Variants in OR1J2 observed in about 807,000 individuals in gnomAD.
OR1J2 encodes olfactory receptor family 1 subfamily J member 2, also known as olfactory receptor 1J2.
For synonymous variants in OR1J2, 142 were observed against 99.7 expected (o/e 1.42, Z -2.52); for missense variants, 304 against 246.1 (o/e 1.24, Z -1.57).
At chr9:122,536,101 C>A in the OR1J2 span, among the ~76,000 whole-genome samples, 22 of 152,108 alleles carry the variant, frequency 1.4e-4, no homozygotes, top group African/African-American at 4.6e-4. Flanking sequence ...TGTGTACGTG[C>A]AGGTCACAGG....
the OR1J2 span, among the ~76,000 whole-genome samples, chr9:122,518,626 A>C: frequency 6.6e-6 from 1 of 152,202 alleles, no homozygotes; most frequent in Non-Finnish European, 1.5e-5. Context: ...TCAATAGACA[A>C]GTTTTTTTTC....
At chr9:122,573,577 T>C in the OR1J2 span, among the ~76,000 whole-genome samples, 48 of 152,296 alleles carry the variant, frequency 3.2e-4, no homozygotes, top group South Asian at 2.7e-3. Flanking sequence ...TTTGGCCCGT[T>C]TTTAATTGGG....
At chr9:122,541,621 C>A in the OR1J2 span, among the ~76,000 whole-genome samples, 1 of 152,128 alleles carries the variant, frequency 6.6e-6, no homozygotes, top group African/African-American at 2.4e-5. Flanking sequence ...AATGCACAGC[C>A]CTTTATCTAC....
the OR1J2 span, among the ~76,000 whole-genome samples, chr9:122,556,283 T>C: frequency 3.1e-5 from 2 of 64,116 alleles, no homozygotes; most frequent in African/African-American, 1.2e-4. Flanking sequence ...GTCTAGATTC[T>C]TTTTTTTTTT....
chr9:122,554,721 T>C, the OR1J2 span, among the ~76,000 whole-genome samples: 47,126 of 152,134 alleles, frequency 0.31, 8,202 homozygotes, highest in East Asian at 0.81. Context: ...AAGGTTAATA[T>C]TGAATGATAA....
the OR1J2 span, among the ~76,000 whole-genome samples, chr9:122,462,250 GGT>G: frequency 6.6e-6 from 1 of 151,962 alleles, no homozygotes. Context: ...GCTTGCTTTT[GGT>G]GTCCATTTGC....
the OR1J2 span, among the ~76,000 whole-genome samples, chr9:122,572,026 T>C: frequency 6.6e-6 from 1 of 152,158 alleles, no homozygotes; most frequent in Admixed American, 6.5e-5. Flanking sequence ...CTTTTATTCA[T>C]GGTGGAAGGC....
the OR1J2 span, among the ~76,000 whole-genome samples, chr9:122,552,749 A>AGAGT: frequency 3.9e-5 from 5 of 129,662 alleles, no homozygotes; most frequent in African/African-American, 1.5e-4. Flanking sequence ...AGAGGGCTTG[A>AGAGT]GTGTGTGTGT....
At chr9:122,541,796 C>T in the OR1J2 span, among the ~76,000 whole-genome samples, 5 of 152,228 alleles carry the variant, frequency 3.3e-5, no homozygotes, top group African/African-American at 4.8e-5. Flanking sequence ...AAGAAGACAG[C>T]TCCATCTACA....
chr9:122,547,601 T>A, the OR1J2 span, among the ~76,000 whole-genome samples: 1 of 151,156 alleles, frequency 6.6e-6, no homozygotes, highest in African/African-American at 2.4e-5. Flanking sequence ...TTTCATTTTT[T>A]ATGGCTGAGT....
chr9:122,474,578 T>C, the OR1J2 span, among the ~76,000 whole-genome samples: 1 of 152,336 alleles, frequency 6.6e-6, no homozygotes, highest in Middle Eastern at 3.4e-3. Context: ...AAATAACTTT[T>C]GTCACACCCA....
chr9:122,472,652 G>T, the OR1J2 span, among the ~76,000 whole-genome samples: 17 of 152,300 alleles, frequency 1.1e-4, no homozygotes, highest in African/African-American at 4.1e-4. Context: ...CAAGGCTATG[G>T]ATAAAAAGTA....
At chr9:122,477,326 T>C in the OR1J2 span, 1 of 1,614,132 alleles carries the variant, frequency 6.2e-7, no homozygotes, top group Non-Finnish European at 8.5e-7. Context: ...AATGCTGCTG[T>C]AAAGATTGCT....
the OR1J2 span, among the ~76,000 whole-genome samples, chr9:122,458,873 A>G: frequency 6.6e-6 from 1 of 151,690 alleles, no homozygotes; most frequent in Non-Finnish European, 1.5e-5. Flanking sequence ...CTTCAATTAC[A>G]TATATTTTTT....
At chr9:122,541,292 C>T in the OR1J2 span, among the ~76,000 whole-genome samples, 1 of 152,124 alleles carries the variant, frequency 6.6e-6, no homozygotes, top group Non-Finnish European at 1.5e-5. Flanking sequence ...ATAGAGGAAA[C>T]AATCTGATCA....
the OR1J2 span, among the ~76,000 whole-genome samples, chr9:122,504,806 G>A: frequency 6.6e-6 from 1 of 151,888 alleles, no homozygotes. Context: ...CCTGTATCTG[G>A]CATCTGAGCT....
At chr9:122,451,714 G>T in the OR1J2 span, among the ~76,000 whole-genome samples, 2 of 152,116 alleles carry the variant, frequency 1.3e-5, no homozygotes, top group Non-Finnish European at 2.9e-5. Context: ...ATTAGACAAT[G>T]TTCAGGACAT....
the OR1J2 span, among the ~76,000 whole-genome samples, chr9:122,450,318 C>A: frequency 6.6e-6 from 1 of 152,036 alleles, no homozygotes; most frequent in Non-Finnish European, 1.5e-5. Flanking sequence ...GTAGTCCCAG[C>A]TACTAGGGCG....
chr9:122,501,945 C>T, the OR1J2 span, among the ~76,000 whole-genome samples: 29 of 152,206 alleles, frequency 1.9e-4, no homozygotes, highest in Non-Finnish European at 1.3e-4. Context: ...TAGACTCCAA[C>T]ACACCTCAGA....
Sources: gnomAD v4.1 joint callset for allele counts (sites outside exome capture counted in the v4.1 genomes callset) on GRCh38, gnomAD v4.1.1 for gene constraint, MANE v1.5 for transcripts, NCBI Gene and HGNC (gene_info 2026-07-23, HGNC 2026-07-21) for gene names.